Variants in RORA observed in about 807,000 individuals in gnomAD.
RORA encodes nuclear receptor ROR-alpha.
Under a neutral mutation model 69.5 loss-of-function variants are expected in RORA, and 7 were observed. The ratio of observed to expected loss-of-function variants is 0.10; its 90% confidence interval spans 0.06 to 0.19. The LOEUF (loss-of-function observed/expected upper bound fraction) is 0.19, where lower values mean the gene tolerates loss of function less well. Ranked by LOEUF, RORA falls within the 10% of genes least tolerant of loss-of-function variation. The pLI, the probability that RORA is intolerant of heterozygous loss-of-function variation, is 1.00. For missense variants in RORA, 457 were observed against 663.0 expected (o/e 0.69, Z 3.41); for synonymous variants, 261 against 240.8 (o/e 1.08, Z -0.78).
At chr15:60,497,995 G>C (rs2065214096) in intron 10 of RORA, among the ~76,000 whole-genome samples, 1 of 152,014 alleles carries the variant, frequency 6.6e-6, no homozygotes, top group East Asian at 1.9e-4. Flanking sequence ...GGAGGTGGAA[G>C]TTTCAGTGAG....
intron 1 of RORA, among the ~76,000 whole-genome samples, chr15:60,724,557 C>G (rs1199301036): frequency 6.6e-6 from 1 of 152,124 alleles, no homozygotes; most frequent in African/African-American, 2.4e-5. Context: ...CAGTAGCTTT[C>G]CCTATTGTTT....
intron 1 of RORA, among the ~76,000 whole-genome samples, chr15:60,857,375 C>A (rs1157235507): frequency 6.6e-6 from 1 of 151,188 alleles, no homozygotes; most frequent in Non-Finnish European, 1.5e-5. Context: ...GATCTTTGCT[C>A]ATGCACCCCA....
intron 2 of RORA, among the ~76,000 whole-genome samples, chr15:60,552,956 C>A (rs1304281525): frequency 3.3e-5 from 5 of 152,174 alleles, no homozygotes; most frequent in African/African-American, 1.2e-4. Flanking sequence ...AATGCTAAAT[C>A]TTCCACTTAT....
chr15:61,078,640 TA>T (rs748556060), intron 1 of RORA, among the ~76,000 whole-genome samples: 6 of 152,216 alleles, frequency 3.9e-5, no homozygotes, highest in Non-Finnish European at 8.8e-5. Context: ...GTAACAGTGG[TA>T]AAGTCATGCT....
chr15:60,558,215 A>G (rs769319395), intron 2 of RORA: 3 of 1,596,980 alleles, frequency 1.9e-6, no homozygotes, highest in Non-Finnish European at 2.6e-6. Flanking sequence ...AGGCCTTTGG[A>G]TTCACTTACA....
In RORA at chr15:61,059,988, G is replaced by GAAGAAGAAGAA. The variant is rs2078155698; in HGVS notation, c.166+169064_166+169065insTTCTTCTTCTT. 2.0e-3 allele frequency among the ~76,000 whole-genome samples: 171 copies of GAAGAAGAAGAA among 85,888 alleles called. 2 individuals carry two copies. The highest frequency in any genetic ancestry group is 6.4e-3 in the African/African-American group (124 of 19,462). 56.3% of individuals were successfully genotyped at this position (85,888 alleles called of 152,430 possible). ...AGGAAGAGGAAGAGGAAGAGGAAGA[G>GAAGAAGAAGAA]GAAGAAGAAGAAGAAGAAGAAGAAG... On this transcript the variant is annotated intron_variant, in intron 1 of 10. Coordinates refer to ENST00000335670, the MANE Select transcript of RORA (RefSeq NM_134261.3).
intron 1 of RORA, among the ~76,000 whole-genome samples, chr15:60,728,872 G>T (rs775811181): frequency 6.6e-6 from 1 of 152,146 alleles, no homozygotes; most frequent in African/African-American, 2.4e-5. Flanking sequence ...GAAAGGTGCA[G>T]ATTTTTAAAA....
chr15:60,923,813 A>T (rs1195874775), intron 1 of RORA, among the ~76,000 whole-genome samples: 2 of 151,128 alleles, frequency 1.3e-5, no homozygotes, highest in Non-Finnish European at 2.9e-5. Flanking sequence ...CCAGGAAAAA[A>T]CCCTCCCCTC....
At chr15:60,767,041 C>T (rs1458423090) in intron 1 of RORA, among the ~76,000 whole-genome samples, 2 of 152,202 alleles carry the variant, frequency 1.3e-5, no homozygotes, top group Admixed American at 1.3e-4. Flanking sequence ...TTTGCCTACA[C>T]TGTGTTTTAA....
At chr15:61,090,687 T>C (rs536110047) in intron 1 of RORA, among the ~76,000 whole-genome samples, 1 of 152,200 alleles carries the variant, frequency 6.6e-6, no homozygotes, top group Non-Finnish European at 1.5e-5. Flanking sequence ...GAAATGATTA[T>C]GGAGCTCTAG....
intron 1 of RORA, among the ~76,000 whole-genome samples, chr15:61,165,373 A>T (rs2079532531): frequency 6.6e-6 from 1 of 152,042 alleles, no homozygotes; most frequent in Admixed American, 6.5e-5. Flanking sequence ...TCCCCTCTTT[A>T]TTTCCAGAGC....
chr15:61,073,160 C>A (rs2078393014), intron 1 of RORA, among the ~76,000 whole-genome samples: 1 of 152,230 alleles, frequency 6.6e-6, no homozygotes, highest in South Asian at 2.1e-4. Context: ...CGGACATGGT[C>A]TCTCTTCTCT....
chr15:60,550,625 T>C (rs1361162666), intron 2 of RORA, among the ~76,000 whole-genome samples: 1 of 152,220 alleles, frequency 6.6e-6, no homozygotes, highest in African/African-American at 2.4e-5. Flanking sequence ...AAAAAATTAA[T>C]GTTTTTTGAT....
chr15:60,567,704 C>T (rs2067757506), intron 2 of RORA, among the ~76,000 whole-genome samples: 1 of 152,162 alleles, frequency 6.6e-6, no homozygotes, highest in South Asian at 2.1e-4. Context: ...AGCCACCAGG[C>T]CCAGCCGATA....
chr15:60,566,351 G>A (rs377525278), intron 2 of RORA, among the ~76,000 whole-genome samples: 20 of 152,128 alleles, frequency 1.3e-4, no homozygotes, highest in Non-Finnish European at 2.4e-4. Flanking sequence ...CCCTTTTGCC[G>A]TTAATAACAT....
chr15:60,497,875 A>C (rs1450461150), intron 10 of RORA, among the ~76,000 whole-genome samples: 1 of 151,932 alleles, frequency 6.6e-6, no homozygotes, highest in Non-Finnish European at 1.5e-5. Context: ...CCTGGGAAAC[A>C]CGGTGAAACC....
chr15:60,820,397 C>T (rs1024899518), intron 1 of RORA, among the ~76,000 whole-genome samples: 6 of 152,274 alleles, frequency 3.9e-5, no homozygotes, highest in Middle Eastern at 3.4e-3. Flanking sequence ...AAATCCCCCT[C>T]ACCCTAGCTT....
At chr15:60,644,961 C>G (rs1428524734) in intron 2 of RORA, among the ~76,000 whole-genome samples, 1 of 152,122 alleles carries the variant, frequency 6.6e-6, no homozygotes, top group Non-Finnish European at 1.5e-5. Context: ...AAAAGGCAAT[C>G]CTCCTCAAAG....
chr15:61,158,938 T>A (rs1005628839), intron 1 of RORA, among the ~76,000 whole-genome samples: 1 of 152,192 alleles, frequency 6.6e-6, no homozygotes, highest in African/African-American at 2.4e-5. Flanking sequence ...ACAGAGGATA[T>A]CAAGGGAAGT....
Sources: allele counts gnomAD v4.1 joint callset (sites outside exome capture counted in the v4.1 genomes callset), GRCh38; gene constraint gnomAD v4.1.1; transcripts MANE v1.5; gene names NCBI Gene and HGNC (gene_info 2026-07-23, HGNC 2026-07-21).